The following SGPL1 variants were observed in gnomAD, a reference collection of about 807,000 sequenced individuals.
The protein encoded by SGPL1 is SP-lyase 1.
In SGPL1, 37 loss-of-function variants were observed where a neutral mutation model predicts 68.9. The observed-to-expected ratio is 0.54, with a 90% CI of 0.41 to 0.71. The LOEUF (loss-of-function observed/expected upper bound fraction) is 0.71, where lower values mean the gene tolerates loss of function less well. SGPL1 is among the 30% of genes least tolerant of loss of function. The probability of loss-of-function intolerance (pLI) is 0.00; values close to 1 mark genes in which losing one functional copy is unlikely to be tolerated. For missense variants in SGPL1, 551 were observed against 704.6 expected, an observed-to-expected ratio of 0.78 and a Z score of 2.47; for synonymous variants, 236 against 248.5, an observed-to-expected ratio of 0.95 and a Z score of 0.47.
intron 2 of SGPL1, among the ~76,000 whole-genome samples, chr10:70,834,035 C>T (rs928155637): frequency 2.6e-5 from 4 of 152,042 alleles, no homozygotes; most frequent in Admixed American, 6.6e-5. Flanking sequence ...AGGAAAGCTT[C>T]GTGGATGTCT....
chr10:70,876,207 C>T (rs1294735713), intron 13 of SGPL1, among the ~76,000 whole-genome samples: 1 of 152,158 alleles, frequency 6.6e-6, no homozygotes, highest in Non-Finnish European at 1.5e-5. Context: ...CACATGGGGG[C>T]TGATTATCTA....
chr10:70,871,800 A>G, intron 10 of SGPL1, 37 bp from the exon 11 acceptor site: 2 of 1,603,860 alleles, frequency 1.2e-6, no homozygotes. Flanking sequence ...AGGGCTATAA[A>G]GGAAATTCTC....
At chr10:70,851,090 A>G in intron 3 of SGPL1, 53 bp from the exon 4 acceptor site, 2 of 1,387,734 alleles carry the variant, frequency 1.4e-6, no homozygotes, top group Non-Finnish European at 1.0e-6. Flanking sequence ...GCTATATGCC[A>G]GGTCATATCC....
intron 2 of SGPL1, among the ~76,000 whole-genome samples, chr10:70,828,378 G>A (rs1049050375): frequency 6.6e-6 from 1 of 152,126 alleles, no homozygotes; most frequent in African/African-American, 2.4e-5. Flanking sequence ...CAGGAGTGCG[G>A]TGGTGCGATC....
intron 9 of SGPL1, chr10:70,870,135 C>T (rs187439355): frequency 1.1e-3 from 411 of 391,098 alleles, no homozygotes; most frequent in Non-Finnish European, 1.5e-3. Context: ...ACTGGTTTTG[C>T]GGTCAGCGCC....
rs78046528 is a variant in SGPL1, at chr10:70,825,129, A to C, written c.27+8249A>C. Among the ~76,000 whole-genome samples the C allele has an allele frequency of 5.9e-5, 9 of 152,130 alleles. No homozygotes were observed. The South Asian group carries it at 1.9e-3, about 32-fold the overall frequency. On this transcript the variant is annotated intron_variant, in intron 2 of 14. Transcript: ENST00000373202. ...ACACTCTTAAGCCTGTGAGAGGGCAAGGAAGGGAGTAGTTTCTGGAACTTT... is the reference window on the plus strand; with the variant it reads ...ACACTCTTAAGCCTGTGAGAGGGCACGGAAGGGAGTAGTTTCTGGAACTTT...
chr10:70,871,746 G>A, intron 10 of SGPL1, 91 bp from the exon 11 acceptor site: 1 of 1,265,342 alleles, frequency 7.9e-7, no homozygotes, highest in Non-Finnish European at 1.1e-6. Flanking sequence ...ATAGCCTTGT[G>A]TTTATAGCCC....
At chr10:70,867,454 T>C (rs1384165965) in intron 7 of SGPL1, among the ~76,000 whole-genome samples, 1 of 151,700 alleles carries the variant, frequency 6.6e-6, no homozygotes, top group Non-Finnish European at 1.5e-5. Flanking sequence ...TCCGAGCTAC[T>C]CGGGTAACTA....
chr10:70,866,258 G>C (rs1846183903), intron 7 of SGPL1: 1 of 151,892 alleles, frequency 6.6e-6, no homozygotes, highest in African/African-American at 2.4e-5. Context: ...ATGGTGGGGT[G>C]TGCCTGTAGT....
intron 3 of SGPL1, among the ~76,000 whole-genome samples, chr10:70,849,885 C>T (rs1352668047): frequency 1.3e-5 from 2 of 152,190 alleles, no homozygotes; most frequent in Non-Finnish European, 2.9e-5. Context: ...ACAAAGACTT[C>T]AGTTAAATCT....
At chr10:70,853,941 C>T (rs1845924034) in intron 4 of SGPL1, among the ~76,000 whole-genome samples, 1 of 152,194 alleles carries the variant, frequency 6.6e-6, no homozygotes, top group Non-Finnish European at 1.5e-5. Context: ...AGGAGCTCAT[C>T]ACTTGCACAA....
chr10:70,824,852 G>A (rs1025810248), intron 2 of SGPL1, among the ~76,000 whole-genome samples: 10 of 152,124 alleles, frequency 6.6e-5, no homozygotes, highest in Middle Eastern at 3.4e-3. Flanking sequence ...GGTAAGCGCA[G>A]ACTAGTTCTG....
At position 70,842,322 on chromosome 10, in the gene SGPL1, A is replaced by G. The variant is rs796797901; in HGVS notation, c.28-2151A>G. ...AAACGAACATGCGTTTAAAATGTTG[A>G]TAGATACCAACAAATTGCTTTACAA... On this transcript the variant is annotated intron_variant, in intron 2 of 14. Transcript: ENST00000373202. 7.1e-4 allele frequency among the ~76,000 whole-genome samples: 108 copies of G among 152,332 alleles called. 1 individual carries two copies. Among genetic ancestry groups the G allele is most frequent in the African/African-American group, 2.4e-3 (101 of 41,578 alleles).
chr10:70,839,013 T>G (rs1233970821), intron 2 of SGPL1, among the ~76,000 whole-genome samples: 1 of 152,208 alleles, frequency 6.6e-6, no homozygotes, highest in African/African-American at 2.4e-5. Flanking sequence ...GGTACATTCA[T>G]GAAAAGGTCT....
chr10:70,817,959 G>A (rs931738821), intron 2 of SGPL1, among the ~76,000 whole-genome samples: 1 of 152,202 alleles, frequency 6.6e-6, no homozygotes, highest in African/African-American at 2.4e-5. Flanking sequence ...GGGAAGAATA[G>A]CGTTGCTAAA....
chr10:70,823,784 G>C (rs867450358), intron 2 of SGPL1, among the ~76,000 whole-genome samples: 2 of 151,524 alleles, frequency 1.3e-5, no homozygotes, highest in South Asian at 4.2e-4. Flanking sequence ...AAAGCAGCAA[G>C]ATTCTTCTTT....
At chr10:70,867,569 A>AAG (rs1481420144) in intron 7 of SGPL1, among the ~76,000 whole-genome samples, 4 of 152,140 alleles carry the variant, frequency 2.6e-5, no homozygotes, top group African/African-American at 9.6e-5. Flanking sequence ...CTCAAAAAAA[A>AAG]AAAAAAAATG....
At position 70,871,063 on chromosome 10, in the gene SGPL1, A is replaced by C. The variant is rs1305642298; in HGVS notation, c.826A>C (p.Ile276Leu). ...EVDVRAMRRA[I>L]SRNTAMLVCS... ...AAATCCCTAGGCAATGAGAAGAGCT[A>C]TCTCCAGGAACACTGCCATGCTCGT... is the stretch of plus-strand genomic sequence containing the variant. Residue 276 changes from isoleucine (I) to leucine (L), a missense_variant, in exon 10 of 15, where the codon ATC (isoleucine) becomes CTC (leucine). Transcript: ENST00000373202. The C allele has an allele frequency of 6.2e-7, 1 of 1,613,464 alleles. No individual in the cohort carries two copies. Among genetic ancestry groups the C allele is most frequent in the African/African-American group, 1.3e-5 (1 of 74,914 alleles).
chr10:70,835,213 T>A (rs1438952145), intron 2 of SGPL1, among the ~76,000 whole-genome samples: 1 of 152,238 alleles, frequency 6.6e-6, no homozygotes, highest in Non-Finnish European at 1.5e-5. Flanking sequence ...TTTTAGGCAG[T>A]GTAGGAGATA....
Sources: gnomAD v4.1 joint callset for allele counts (sites outside exome capture counted in the v4.1 genomes callset) on GRCh38, gnomAD v4.1.1 for gene constraint, MANE v1.5 for transcripts, NCBI Gene and HGNC (gene_info 2026-07-23, HGNC 2026-07-21) for gene names.